The following ERO1B variants were observed in gnomAD, a reference collection of about 807,000 sequenced individuals.
ERO1B encodes ERO1-like protein beta.
In ERO1B, 49 loss-of-function variants were observed where a neutral mutation model predicts 75.3. The ratio of observed to expected loss-of-function variants is 0.65; its 90% confidence interval spans 0.52 to 0.83. The LOEUF is 0.83. Among genes scored for constraint, ERO1B ranks in the 40% least tolerant of loss-of-function variants. ERO1B has a pLI of 0.00. For synonymous variants in ERO1B, 191 were observed against 192.9 expected, an observed-to-expected ratio of 0.99 and a Z score of 0.08; for missense variants, 512 against 560.1, an observed-to-expected ratio of 0.91 and a Z score of 0.87.
chr1:236,239,877 ATGTGTGTGTG>A (rs202156601), intron 6 of ERO1B, among the ~76,000 whole-genome samples: 1 of 96,030 alleles, frequency 1.0e-5, no homozygotes, highest in African/African-American at 3.7e-5. Context: ...ATATGTGTAT[ATGTGTGTGTG>A]TGTGTATATA....
intron 4 of ERO1B, among the ~76,000 whole-genome samples, chr1:236,250,429 G>A (rs1051032187): frequency 4.0e-5 from 6 of 151,620 alleles, no homozygotes; most frequent in African/African-American, 9.7e-5. Flanking sequence ...CTGAGATCAC[G>A]CCACTGCACT....
At chr1:236,234,449 C>A (rs1002237245) in intron 8 of ERO1B, among the ~76,000 whole-genome samples, 1 of 152,176 alleles carries the variant, frequency 6.6e-6, no homozygotes, top group Non-Finnish European at 1.5e-5. Flanking sequence ...GAAGAGCTTT[C>A]CCTTTTCACT....
At chr1:236,241,234 C>A (rs2695058) in intron 6 of ERO1B, among the ~76,000 whole-genome samples, 37,867 of 151,762 alleles carry the variant, frequency 0.25, 4,896 homozygotes, top group East Asian at 0.38. Context: ...CTAAAGCTAC[C>A]CTGACAGTAA....
In ERO1B at chr1:236,245,733, C is replaced by G. The variant is rs1664868826; in HGVS notation, c.432-2238G>C. ...CCTGAGTAGCTGGGATTACAGGCGT[C>G]TGCCACCACGCCTGGCTAATTTTTT... On this transcript the variant is annotated intron_variant, in intron 5 of 15. Coordinates refer to ENST00000354619, the MANE Select transcript of ERO1B (RefSeq NM_019891.4). Among the ~76,000 whole-genome samples, 3 of 147,692 alleles carry G rather than the reference C, an allele frequency of 2.0e-5. No individual in the cohort carries two copies. The South Asian group carries it at 6.5e-4, about 32-fold the overall frequency.
chr1:236,236,127 A>G, intron 7 of ERO1B, 151 bp downstream of exon 7: 1 of 964,552 alleles, frequency 1.0e-6, no homozygotes, highest in South Asian at 1.6e-5. Flanking sequence ...GGGTTTCACC[A>G]TGTTGGCCAG....
At chr1:236,264,641 C>T (rs1291130697) in intron 2 of ERO1B, among the ~76,000 whole-genome samples, 2 of 151,880 alleles carry the variant, frequency 1.3e-5, no homozygotes, top group African/African-American at 4.8e-5. Flanking sequence ...ATCAGGAGTT[C>T]AAGACCAACC....
chr1:236,225,722 G>A (rs552209054), intron 12 of ERO1B, among the ~76,000 whole-genome samples: 1 of 152,286 alleles, frequency 6.6e-6, no homozygotes, highest in East Asian at 1.9e-4. Context: ...ATCACTTGAG[G>A]CCAGGAGCTT....
At chr1:236,260,279 T>C (rs1407863828) in intron 2 of ERO1B, among the ~76,000 whole-genome samples, 1 of 152,154 alleles carries the variant, frequency 6.6e-6, no homozygotes, top group African/African-American at 2.4e-5. Context: ...ACATGCAGCC[T>C]ACAAAAGCTG....
chr1:236,255,300 ACTCTTT>A (rs1665136328), intron 2 of ERO1B, among the ~76,000 whole-genome samples: 1 of 151,562 alleles, frequency 6.6e-6, no homozygotes, highest in South Asian at 2.1e-4. Flanking sequence ...ATGACGGCTC[ACTCTTT>A]CGCCGCATTC....
intron 3 of ERO1B, among the ~76,000 whole-genome samples, chr1:236,252,466 T>C (rs1384069087): frequency 1.3e-5 from 2 of 152,196 alleles, no homozygotes; most frequent in Non-Finnish European, 2.9e-5. Context: ...TTATTTGCAA[T>C]GTATTATGTG....
Position 236,232,980 on chromosome 1 carries a change from T to C in ERO1B, c.674-141A>G, listed in dbSNP as rs74623205. On this transcript the variant is annotated intron_variant, in intron 8 of 15. Transcript: ENST00000354619. The stretch of plus-strand genomic sequence containing the variant: ...ACTGAGTAGACGCCCTGCAAATGAG[T>C]CCTCTTAATCAGAATACAGGTCAAA... The C allele has an allele frequency of 3.1e-3, 1,881 of 598,122 alleles. 27 individuals are homozygous for C. In the African/African-American group the frequency reaches 0.032, roughly 10 times the overall value. The allele number at this position is 598,122 out of a possible 1,614,324, so 37.1% of individuals were successfully genotyped here.
At chr1:236,233,990 T>C (rs549019914) in intron 8 of ERO1B, among the ~76,000 whole-genome samples, 9 of 152,304 alleles carry the variant, frequency 5.9e-5, no homozygotes, top group African/African-American at 1.4e-4. Flanking sequence ...AAAGTTCCTA[T>C]TGCTCAAAAC....
chr1:236,221,016 G>C lies in ERO1B; in HGVS notation c.1210-51C>G, dbSNP rs1301784745. 2.2e-6 allele frequency: 3 copies of C among 1,345,008 alleles called. No individual in the cohort carries two copies. The African/African-American group carries it at 4.6e-5, about 20-fold the overall frequency. The allele number at this position is 1,345,008 out of a possible 1,614,324, so 83.3% of individuals were successfully genotyped here. Reference sequence around the variant, plus strand: ...AATTAACTTTAAATAATAATAACTAGTAAAAAGGCTTAAAGGAATATATAG... The same window carrying C: ...AATTAACTTTAAATAATAATAACTACTAAAAAGGCTTAAAGGAATATATAG... On this transcript the variant is annotated intron_variant, in intron 14 of 15. Transcript: ENST00000354619.
chr1:236,277,317 T>C (rs1026573779), intron 1 of ERO1B, among the ~76,000 whole-genome samples: 3 of 151,704 alleles, frequency 2.0e-5, no homozygotes, highest in Admixed American at 6.6e-5. Flanking sequence ...GGCATAAGAA[T>C]TGCTTGAGCC....
chr1:236,241,607 C>T (rs1433538839), intron 6 of ERO1B, among the ~76,000 whole-genome samples: 1 of 152,054 alleles, frequency 6.6e-6, no homozygotes, highest in Non-Finnish European at 1.5e-5. Context: ...ATGAACATTA[C>T]AACTCAGAAG....
intron 5 of ERO1B, among the ~76,000 whole-genome samples, 181 bp from the exon 6 acceptor site, chr1:236,243,676 G>A (rs2102950464): frequency 6.6e-6 from 1 of 152,144 alleles, no homozygotes; most frequent in East Asian, 1.9e-4. Context: ...GAAAATATAT[G>A]TATTAATTTC....
Position 236,215,730 on chromosome 1 carries a change from A to C in ERO1B, c.*2786T>G, listed in dbSNP as rs1663954796. ...ATAATTTCCACGATACCATGCACCT[A>C]ATCTGTGTATTTTGGTGAGTAGCTA... On this transcript the variant is annotated 3_prime_UTR_variant, in exon 16 of 16. Transcript: ENST00000354619. The C allele has an allele frequency of 7.2e-6, 1 of 139,612 alleles. No homozygotes were observed. Among genetic ancestry groups the C allele is most frequent in the Non-Finnish European group, 1.6e-5 (1 of 63,240 alleles). 8.6% of individuals were successfully genotyped at this position (139,612 alleles called of 1,614,324 possible).
intron 2 of ERO1B, among the ~76,000 whole-genome samples, chr1:236,262,390 A>G (rs571674280): frequency 6.6e-6 from 1 of 152,156 alleles, no homozygotes; most frequent in South Asian, 2.1e-4. Flanking sequence ...CTGAAATGGC[A>G]TCTTTTCAGT....
At chr1:236,255,136 A>G (rs996759993) in intron 2 of ERO1B, among the ~76,000 whole-genome samples, 1 of 149,304 alleles carries the variant, frequency 6.7e-6, no homozygotes, top group Non-Finnish European at 1.5e-5. Context: ...AGGTCTCACT[A>G]TGTTTCCCAG....
Sources: gnomAD v4.1 joint callset for allele counts (sites outside exome capture counted in the v4.1 genomes callset) on GRCh38, gnomAD v4.1.1 for gene constraint, MANE v1.5 for transcripts, NCBI Gene and HGNC (gene_info 2026-07-23, HGNC 2026-07-21) for gene names.